Variants in NCAM2 observed in about 807,000 individuals in gnomAD.
NCAM2 encodes the protein neural cell adhesion molecule 2, also known as N-CAM-2.
Under a neutral mutation model 98.1 loss-of-function variants are expected in NCAM2, and 30 were observed. The observed-to-expected ratio is 0.31, with a 90% confidence interval of 0.23 to 0.41. The LOEUF is 0.41. Among genes scored for constraint, NCAM2 ranks in the 10% least tolerant of loss-of-function variants. The pLI is 1.00. For synonymous variants in NCAM2, 368 were observed against 342.4 expected, an observed-to-expected ratio of 1.07 and a Z score of -0.83; for missense variants, 867 against 1,005.8, an observed-to-expected ratio of 0.86 and a Z score of 1.87.
At chr21:21,242,596 C>T (rs1169761223) in intron 1 of NCAM2, among the ~76,000 whole-genome samples, 1 of 152,144 alleles carries the variant, frequency 6.6e-6, no homozygotes, top group Non-Finnish European at 1.5e-5. Context: ...CCGAAGTAGT[C>T]TTTCTGTGCC....
At chr21:21,346,099 G>C (rs1391435095) in intron 8 of NCAM2, among the ~76,000 whole-genome samples, 1 of 151,282 alleles carries the variant, frequency 6.6e-6, no homozygotes, top group Non-Finnish European at 1.5e-5. Context: ...ACATAGACTG[G>C]CTGAATGGAT....
intron 9 of NCAM2, among the ~76,000 whole-genome samples, chr21:21,380,050 C>G (rs569471481): frequency 1.8e-4 from 27 of 152,166 alleles, no homozygotes; most frequent in Admixed American, 2.6e-4. Context: ...GCCATGTTGG[C>G]AGCTGATTAG....
At chr21:21,292,800 T>C (rs1217750483) in intron 5 of NCAM2, among the ~76,000 whole-genome samples, 2 of 151,918 alleles carry the variant, frequency 1.3e-5, no homozygotes, top group Non-Finnish European at 2.9e-5. Context: ...CTGTCTCCTG[T>C]ACTAGCCCAT....
At chr21:21,029,920 C>T (rs2064642461) in intron 1 of NCAM2, among the ~76,000 whole-genome samples, 1 of 152,126 alleles carries the variant, frequency 6.6e-6, no homozygotes, top group Admixed American at 6.5e-5. Context: ...TGAGCCACCA[C>T]AGCCAGCCAC....
intron 15 of NCAM2, among the ~76,000 whole-genome samples, chr21:21,491,492 A>G (rs1371903129): frequency 1.3e-5 from 2 of 151,802 alleles, no homozygotes; most frequent in Non-Finnish European, 3.0e-5. Flanking sequence ...AAGGTATGAA[A>G]CACAAATAGT....
intron 1 of NCAM2, among the ~76,000 whole-genome samples, chr21:21,277,104 A>G (rs1281922574): frequency 6.6e-6 from 1 of 152,118 alleles, no homozygotes; most frequent in Non-Finnish European, 1.5e-5. Context: ...GGTAGGCATT[A>G]AGTAATAATT....
intron 14 of NCAM2, among the ~76,000 whole-genome samples, chr21:21,471,472 A>T (rs183476952): frequency 4.3e-4 from 66 of 152,206 alleles, no homozygotes; most frequent in African/African-American, 1.4e-3. Context: ...AGTGCAACTG[A>T]ATAACTTGAA....
At chr21:21,025,951 G>A (rs1185236038) in intron 1 of NCAM2, among the ~76,000 whole-genome samples, 2 of 152,228 alleles carry the variant, frequency 1.3e-5, no homozygotes, top group African/African-American at 4.8e-5. Flanking sequence ...GTGAGTTCAG[G>A]GAGGGTCAAT....
At chr21:21,220,212 C>T (rs753737210) in intron 1 of NCAM2, among the ~76,000 whole-genome samples, 12 of 152,146 alleles carry the variant, frequency 7.9e-5, no homozygotes, top group East Asian at 3.9e-4. Flanking sequence ...TAGACCTTCA[C>T]GTGCACTCAC....
At chr21:21,124,807 G>C (rs909250034) in intron 1 of NCAM2, among the ~76,000 whole-genome samples, 1 of 152,116 alleles carries the variant, frequency 6.6e-6, no homozygotes, top group Non-Finnish European at 1.5e-5. Context: ...CTTATGAAGA[G>C]TCTCAATGAG....
chr21:21,536,917 C>G (rs1289155648), intron 17 of NCAM2, among the ~76,000 whole-genome samples: 1 of 151,934 alleles, frequency 6.6e-6, no homozygotes, highest in Non-Finnish European at 1.5e-5. Flanking sequence ...GCAAACAACT[C>G]AAAATCCGTG....
intron 1 of NCAM2, among the ~76,000 whole-genome samples, chr21:21,158,254 C>T (rs2067674986): frequency 6.6e-6 from 1 of 152,170 alleles, no homozygotes; most frequent in Non-Finnish European, 1.5e-5. Flanking sequence ...CACATTCACA[C>T]TGTTTTACTT....
intron 9 of NCAM2, among the ~76,000 whole-genome samples, chr21:21,403,478 T>C (rs963489679): frequency 1.3e-5 from 2 of 152,180 alleles, no homozygotes; most frequent in African/African-American, 4.8e-5. Context: ...GGTTGAGACA[T>C]TCATCTTTTT....
At chr21:21,397,332 G>T (rs374141720) in intron 9 of NCAM2, among the ~76,000 whole-genome samples, 1 of 152,214 alleles carries the variant, frequency 6.6e-6, no homozygotes, top group African/African-American at 2.4e-5. Context: ...AAGGCTGTCT[G>T]CCTCCTGCTG....
At chr21:21,198,740 A>G (rs556184034) in intron 1 of NCAM2, among the ~76,000 whole-genome samples, 213 of 152,236 alleles carry the variant, frequency 1.4e-3, no homozygotes, top group Non-Finnish European at 2.5e-3. Flanking sequence ...GTTTCTCTCT[A>G]TATTGTCTAC....
intron 1 of NCAM2, among the ~76,000 whole-genome samples, chr21:21,255,318 C>T (rs943971852): frequency 6.6e-6 from 1 of 152,184 alleles, no homozygotes; most frequent in Non-Finnish European, 1.5e-5. Flanking sequence ...ATGTGCTTCT[C>T]ATGTTGCACT....
chr21:21,511,687 A>T (rs941872002), intron 16 of NCAM2, among the ~76,000 whole-genome samples: 4 of 151,964 alleles, frequency 2.6e-5, no homozygotes, highest in South Asian at 4.1e-4. Flanking sequence ...CCATAGTGAC[A>T]GTATTAAGTT....
intron 1 of NCAM2, among the ~76,000 whole-genome samples, chr21:21,127,075 A>G (rs1601439988): frequency 6.6e-6 from 1 of 151,700 alleles, no homozygotes; most frequent in East Asian, 1.9e-4. Flanking sequence ...AAAGAATAAG[A>G]ATCTGTCATA....
intron 1 of NCAM2, among the ~76,000 whole-genome samples, chr21:21,110,382 G>T (rs2066431036): frequency 6.6e-6 from 1 of 151,946 alleles, no homozygotes; most frequent in African/African-American, 2.4e-5. Flanking sequence ...AGTTTCCCCA[G>T]TTTGGGTTTA....
Sources: allele counts gnomAD v4.1 joint callset (sites outside exome capture counted in the v4.1 genomes callset), GRCh38; gene constraint gnomAD v4.1.1; transcripts MANE v1.5; gene names NCBI Gene and HGNC (gene_info 2026-07-23, HGNC 2026-07-21).